TLE1: variants seen among roughly 807,000 people sequenced by gnomAD.
TLE1 encodes the protein TLE family member 1, transcriptional corepressor, also known as transducin-like enhancer protein 1.
In TLE1, 21 loss-of-function variants were observed where a neutral mutation model predicts 89.8. The observed-to-expected ratio is 0.23, with a 90% CI of 0.17 to 0.34. The LOEUF (loss-of-function observed/expected upper bound fraction) is 0.34, where lower values mean the gene tolerates loss of function less well. TLE1 is among the 10% of genes least tolerant of loss of function. The pLI is 1.00. For missense variants in TLE1, 795 were observed against 1,031.2 expected, an observed-to-expected ratio of 0.77 and a Z score of 3.14; for synonymous variants, 447 against 407.6, an observed-to-expected ratio of 1.10 and a Z score of -1.16.
chr9:81,634,250 G>A lies in TLE1; in HGVS notation c.424C>T (p.Pro142Ser), dbSNP rs142213189. The change falls in exon 7 of 20, where the codon CCC becomes TCC. Residue 142 changes from proline to serine, a missense_variant. Transcript: ENST00000376499. ...HLSHGHGPPVPLTPHPSGLQP... is the reference protein window; with the variant it reads ...HLSHGHGPPVSLTPHPSGLQP... ...AGTCCCGAAGGGTGAGGCGTAAGGG[G>A]AACTGGGGGTCCGTGGCCATGAGAA... 638 of 1,572,304 alleles carry A rather than the reference G, an allele frequency of 4.1e-4. 1 individual carries two copies. Among genetic ancestry groups the A allele is most frequent in the Non-Finnish European group, 5.3e-4 (613 of 1,155,082 alleles).
chr9:81,586,341 A>G (rs1004512106), intron 17 of TLE1, among the ~76,000 whole-genome samples: 3 of 152,088 alleles, frequency 2.0e-5, no homozygotes, highest in African/African-American at 7.2e-5. Context: ...TATTGTGTGA[A>G]CTTCAGAGAG....
chr9:81,676,851 G>GA (rs1330596914), intron 4 of TLE1, among the ~76,000 whole-genome samples: 1 of 152,208 alleles, frequency 6.6e-6, no homozygotes, highest in Non-Finnish European at 1.5e-5. Flanking sequence ...CAAGTCAATG[G>GA]AATGTGTGCT....
intron 6 of TLE1, among the ~76,000 whole-genome samples, chr9:81,642,670 G>A (rs1364323773): frequency 1.3e-5 from 2 of 151,886 alleles, no homozygotes; most frequent in African/African-American, 4.8e-5. Context: ...CTCCAGCCTG[G>A]GTGACAGAGT....
chr9:81,620,318 C>T, intron 9 of TLE1, 123 bp downstream of exon 9: 1 of 789,588 alleles, frequency 1.3e-6, no homozygotes, highest in Non-Finnish European at 2.1e-6. Context: ...AATGTAAGAA[C>T]CTCTCCTCTT....
At chr9:81,597,975 T>C (rs967363939) in intron 14 of TLE1, among the ~76,000 whole-genome samples, 17 of 152,170 alleles carry the variant, frequency 1.1e-4, no homozygotes, top group South Asian at 2.1e-4. Flanking sequence ...TACAGGGTTG[T>C]TGGTTTCCTG....
chr9:81,612,088 G>A, intron 12 of TLE1, 129 bp from the exon 13 acceptor site: 3 of 752,260 alleles, frequency 4.0e-6, no homozygotes, highest in Non-Finnish European at 5.6e-6. Context: ...TCTAGGGGAG[G>A]GGGAAAATCA....
chr9:81,600,260 G>A, intron 14 of TLE1: 2 of 571,824 alleles, frequency 3.5e-6, no homozygotes, highest in South Asian at 2.6e-5. Flanking sequence ...CATTATCCAA[G>A]CAAGAAATAT....
At chr9:81,680,835 C>T (rs1452686468) in intron 4 of TLE1, among the ~76,000 whole-genome samples, 1 of 151,714 alleles carries the variant, frequency 6.6e-6, no homozygotes, top group Non-Finnish European at 1.5e-5. Flanking sequence ...CTCTAAGTGC[C>T]TATACTCTAG....
chr9:81,588,586 A>C (rs1452303110), intron 16 of TLE1, among the ~76,000 whole-genome samples: 2 of 152,144 alleles, frequency 1.3e-5, no homozygotes, highest in African/African-American at 4.8e-5. Context: ...TTCATTCAAA[A>C]ATCGCCATCA....
intron 8 of TLE1, among the ~76,000 whole-genome samples, chr9:81,629,143 A>G (rs931325939): frequency 1.3e-5 from 2 of 152,100 alleles, no homozygotes; most frequent in African/African-American, 4.8e-5. Flanking sequence ...TCGGGCACAT[A>G]GTCAGGGCTC....
Position 81,587,676 on chromosome 9 carries a change from G to A in TLE1, c.1977+5C>T, listed in dbSNP as rs1259199721. 1.9e-6 allele frequency: 3 copies of A among 1,608,336 alleles called. No homozygotes were observed. The highest frequency in any genetic ancestry group is 2.5e-6 in the Non-Finnish European group (3 of 1,176,802). On this transcript the variant is annotated splice_donor_5th_base_variant and intron_variant, in intron 17 of 19. Transcript: ENST00000376499. The stretch of plus-strand genomic sequence containing the variant: ...CTCCAGGGCAGGCGGAAGCCACTCA[G>A]TCACCTGGGAGGTGAAGTCGTGCTG...
At chr9:81,648,285 A>C (rs1588114888) in intron 6 of TLE1, among the ~76,000 whole-genome samples, 1 of 151,266 alleles carries the variant, frequency 6.6e-6, no homozygotes, top group Admixed American at 6.6e-5. Flanking sequence ...AAAAAAAAAA[A>C]CCCAAGCATC....
At chr9:81,681,213 T>C (rs1833582582) in intron 4 of TLE1, among the ~76,000 whole-genome samples, 1 of 152,142 alleles carries the variant, frequency 6.6e-6, no homozygotes, top group Non-Finnish European at 1.5e-5. Flanking sequence ...ATATCATCCT[T>C]CCTTTCAGAT....
At chr9:81,619,287 T>C (rs1356441762) in intron 9 of TLE1, among the ~76,000 whole-genome samples, 3 of 152,184 alleles carry the variant, frequency 2.0e-5, no homozygotes, top group Admixed American at 1.3e-4. Context: ...TATTAAAGCA[T>C]AGTGCAAAGT....
chr9:81,621,256 CCG>C (rs1373719818), intron 8 of TLE1, among the ~76,000 whole-genome samples: 76 of 152,234 alleles, frequency 5.0e-4, no homozygotes, highest in African/African-American at 1.8e-3. Flanking sequence ...TTCGCATATG[CCG>C]AGTAGGAACT....
At chr9:81,640,074 A>C (rs570114326) in intron 6 of TLE1, among the ~76,000 whole-genome samples, 3 of 152,152 alleles carry the variant, frequency 2.0e-5, no homozygotes, top group African/African-American at 7.2e-5. Context: ...TGGTGCATCT[A>C]ATGGGTGAAG....
At chr9:81,654,059 A>C (rs1226330040) in intron 4 of TLE1, 23 bp from the exon 5 acceptor site, 6 of 1,612,012 alleles carry the variant, frequency 3.7e-6, no homozygotes, top group Non-Finnish European at 4.2e-6. Context: ...AGCCACACAA[A>C]TGTTTAGAAT....
At chr9:81,586,017 CTTT>C (rs560998726) in intron 17 of TLE1, among the ~76,000 whole-genome samples, 74 of 128,924 alleles carry the variant, frequency 5.7e-4, no homozygotes, top group Middle Eastern at 4.2e-3. Flanking sequence ...CGTTAGGTGA[CTTT>C]TTTTTTTTTT....
At chr9:81,592,141 A>G (rs1829622796) in intron 15 of TLE1, among the ~76,000 whole-genome samples, 5 of 152,244 alleles carry the variant, frequency 3.3e-5, no homozygotes, top group South Asian at 2.1e-4. Flanking sequence ...GGCGGATCAC[A>G]AGGTCAGGAG....
Sources: allele counts gnomAD v4.1 joint callset (sites outside exome capture counted in the v4.1 genomes callset), GRCh38; gene constraint gnomAD v4.1.1; transcripts MANE v1.5; gene names NCBI Gene and HGNC (gene_info 2026-07-23, HGNC 2026-07-21).